The following PPP2R2D variants were observed in gnomAD, a reference collection of about 807,000 sequenced individuals.
PPP2R2D encodes the protein serine/threonine-protein phosphatase 2A 55 kDa regulatory subunit B delta isoform.
PPP2R2D carries 9 observed loss-of-function variants against 31.1 expected under a neutral mutation model. The ratio of observed to expected loss-of-function variants is 0.29; its 90% CI spans 0.17 to 0.51. The LOEUF is 0.51. PPP2R2D is among the 20% of genes least tolerant of loss of function. The probability of loss-of-function intolerance (pLI) is 0.98; values close to 1 mark genes in which losing one functional copy is unlikely to be tolerated. For synonymous variants in PPP2R2D, 179 were observed against 172.6 expected (o/e 1.04, Z -0.29); for missense variants, 391 against 465.6 (o/e 0.84, Z 1.48).
intron 2 of PPP2R2D, among the ~76,000 whole-genome samples, chr10:131,904,219 AG>A (rs1482247017): frequency 7.3e-6 from 1 of 137,862 alleles, no homozygotes; most frequent in East Asian, 2.2e-4. Flanking sequence ...AAAAAAAAAA[AG>A]GAGAGAGATG....
At chr10:131,905,609 C>CGCAGT (rs2035569107) in intron 2 of PPP2R2D, among the ~76,000 whole-genome samples, 1 of 152,134 alleles carries the variant, frequency 6.6e-6, no homozygotes, top group African/African-American at 2.4e-5. Context: ...AGAGATTGCT[C>CGCAGT]GCAGTGCTTT....
chr10:131,965,235 T>C, the PPP2R2D span, among the ~76,000 whole-genome samples: 2 of 152,244 alleles, frequency 1.3e-5, no homozygotes, highest in Non-Finnish European at 2.9e-5. Flanking sequence ...CAGGCCTCTC[T>C]ACTGAGCAAT....
chr10:131,965,263 C>T, the PPP2R2D span, among the ~76,000 whole-genome samples: 66 of 152,228 alleles, frequency 4.3e-4, no homozygotes, highest in Middle Eastern at 6.8e-3. Context: ...CTTCCCAGCA[C>T]GGAGGCTGGG....
At chr10:131,946,575 C>T (rs1415772170) in intron 7 of PPP2R2D, among the ~76,000 whole-genome samples, 9 of 152,180 alleles carry the variant, frequency 5.9e-5, no homozygotes, top group Non-Finnish European at 1.5e-5. Context: ...ATGAGTGTTT[C>T]GTAGCATTTG....
At chr10:131,950,394 A>C (rs2036615094) in intron 8 of PPP2R2D, among the ~76,000 whole-genome samples, 1 of 152,116 alleles carries the variant, frequency 6.6e-6, no homozygotes, top group Non-Finnish European at 1.5e-5. Flanking sequence ...GAATATCTTA[A>C]ATGCACCCAA....
Position 131,934,497 on chromosome 10 carries a change from ATCT to A in PPP2R2D, c.145_147del (p.Leu49del), listed in dbSNP as rs2036303507. On this transcript the variant is annotated inframe_deletion, in exon 3 of 9. Coordinates refer to ENST00000455566, the MANE Select transcript of PPP2R2D (RefSeq NM_018461.5). The stretch of plus-strand genomic sequence containing the variant: ...ACCGTTGAGTTTAATTACTCTGGAG[ATCT>A]TCTTGCAACAGGAGACAAGGGCGGC... 1.3e-6 allele frequency: 1 copy of A among 780,364 alleles called. No individual in the cohort carries two copies. The highest frequency in any genetic ancestry group is 1.7e-5 in the African/African-American group (1 of 59,098). The allele number at this position is 780,364 out of a possible 1,614,324, so 48.3% of individuals were successfully genotyped here. A position where few individuals can be genotyped will look rare whatever the true frequency, so the allele number is the denominator to read the frequency against.
chr10:131,905,739 C>T (rs2035571725), intron 2 of PPP2R2D, among the ~76,000 whole-genome samples: 1 of 152,188 alleles, frequency 6.6e-6, no homozygotes, highest in East Asian at 1.9e-4. Flanking sequence ...GAGTGTATGG[C>T]AGGGCCAGGG....
At position 131,945,501 on chromosome 10, in the gene PPP2R2D, C is replaced by A; in HGVS notation, c.820+42C>A. The A allele has an allele frequency of 6.4e-7, 1 of 1,560,012 alleles. No individual in the cohort carries two copies. The highest frequency in any genetic ancestry group is 8.7e-7 in the Non-Finnish European group (1 of 1,147,636). ...TTGAGATGGAGTCTGGCTCTGTCAC[C>A]CAGGCTGCGGTGCAGTGACACAGTC... On this transcript the variant is annotated intron_variant, in intron 7 of 8. Coordinates refer to ENST00000455566, the MANE Select transcript of PPP2R2D (RefSeq NM_018461.5). This position sits in a 1 kb window ranked among gnomAD's most constrained non-coding sequence, Gnocchi z 4.8.
chr10:131,926,703 A>G (rs1490968877), intron 2 of PPP2R2D, among the ~76,000 whole-genome samples: 1 of 152,100 alleles, frequency 6.6e-6, no homozygotes, highest in Non-Finnish European at 1.5e-5. Flanking sequence ...AGGAGTTGTG[A>G]TTTCCAAAAA....
chr10:131,945,859 G>A lies in PPP2R2D; in HGVS notation c.820+400G>A, dbSNP rs1170285162. ...CCAAGTGCCTTTGCACAACTGGGGA[G>A]CCCTCCTTTGCTGGGGCCGTCCGAG... is the stretch of plus-strand genomic sequence containing the variant. On this transcript the variant is annotated intron_variant, in intron 7 of 8. Coordinates refer to ENST00000455566, the MANE Select transcript of PPP2R2D (RefSeq NM_018461.5). The surrounding 1 kb of genome is among the most constrained non-coding windows in gnomAD (Gnocchi z 4.8). 1 of 163,952 alleles carries A rather than the reference G, an allele frequency of 6.1e-6. No individual in the cohort carries two copies. The highest frequency in any genetic ancestry group is 2.4e-5 in the African/African-American group (1 of 41,860). The allele number at this position is 163,952 out of a possible 1,614,324, so 10.2% of individuals were successfully genotyped here. A position where few individuals can be genotyped will look rare whatever the true frequency, so the allele number is the denominator to read the frequency against.
chr10:131,933,392 A>G (rs1265832929), intron 2 of PPP2R2D, among the ~76,000 whole-genome samples: 1 of 151,992 alleles, frequency 6.6e-6, no homozygotes, highest in Non-Finnish European at 1.5e-5. Context: ...TTTACTTCCT[A>G]CTATAAACGT....
chr10:131,925,207 C>G (rs1160062093), intron 2 of PPP2R2D, among the ~76,000 whole-genome samples: 5 of 152,214 alleles, frequency 3.3e-5, no homozygotes, highest in African/African-American at 1.2e-4. Context: ...GTTAGCAAAT[C>G]AAACATCCTT....
chr10:131,965,560 C>T, the PPP2R2D span, among the ~76,000 whole-genome samples: 3 of 152,216 alleles, frequency 2.0e-5, no homozygotes, highest in Non-Finnish European at 2.9e-5. Context: ...AGCAATTCTG[C>T]CTCAGCCTCC....
downstream of PPP2R2D, among the ~76,000 whole-genome samples, chr10:131,964,664 A>ATTTTTTTTTTT (rs782297365): frequency 7.9e-6 from 1 of 126,752 alleles, no homozygotes; most frequent in Non-Finnish European, 1.6e-5. Context: ...AGAGTTTACT[A>ATTTTTTTTTTT]TGTTTTTTTT....
chr10:131,916,179 G>A (rs201338139), intron 2 of PPP2R2D, among the ~76,000 whole-genome samples: 8 of 152,252 alleles, frequency 5.3e-5, no homozygotes, highest in Middle Eastern at 3.4e-3. Context: ...CGTGTTCCCC[G>A]CAGGACAGGC....
intron 2 of PPP2R2D, among the ~76,000 whole-genome samples, chr10:131,907,150 G>A (rs1251974400): frequency 6.6e-6 from 1 of 151,788 alleles, no homozygotes; most frequent in Non-Finnish European, 1.5e-5. Context: ...CATATTTATT[G>A]ATTTCTTCTG....
At chr10:131,962,729 G>T (rs1221913106), downstream of PPP2R2D, among the ~76,000 whole-genome samples, 2 of 152,172 alleles carry the variant, frequency 1.3e-5, no homozygotes, top group African/African-American at 2.4e-5. Context: ...CACCAACCCC[G>T]CAGATGGCCA....
intron 3 of PPP2R2D, among the ~76,000 whole-genome samples, chr10:131,938,674 C>T (rs1183273968): frequency 6.6e-6 from 1 of 152,232 alleles, no homozygotes; most frequent in Non-Finnish European, 1.5e-5. Context: ...AGCAGCACCT[C>T]ACTCTGGGCA....
intron 2 of PPP2R2D, among the ~76,000 whole-genome samples, chr10:131,925,499 T>C (rs1006083025): frequency 7.2e-5 from 11 of 152,360 alleles, no homozygotes; most frequent in Admixed American, 1.3e-4. Context: ...TATGGTATAC[T>C]TCTCATATTT....
Sources: gnomAD v4.1 joint callset for allele counts (sites outside exome capture counted in the v4.1 genomes callset) on GRCh38, gnomAD v4.1.1 for gene constraint, Gnocchi (gnomAD v3.1) non-coding constraint, MANE v1.5 for transcripts, NCBI Gene and HGNC (gene_info 2026-07-23, HGNC 2026-07-21) for gene names.